The following GALNT11 variants were observed in gnomAD, a reference collection of about 807,000 sequenced individuals.
GALNT11 encodes the protein UDP-GalNAc:polypeptide N-acetylgalactosaminyltransferase 11.
A neutral mutation model predicts 72.7 loss-of-function variants in GALNT11; 47 were observed. The ratio of observed to expected loss-of-function variants is 0.65; its 90% CI spans 0.51 to 0.82. The LOEUF is 0.82. GALNT11 is among the 40% of genes least tolerant of loss of function. The probability of loss-of-function intolerance (pLI) is 0.00; values close to 1 mark genes in which losing one functional copy is unlikely to be tolerated. For missense variants in GALNT11, 677 were observed against 778.4 expected, an observed-to-expected ratio of 0.87 and a Z score of 1.55; for synonymous variants, 270 against 286.6, an observed-to-expected ratio of 0.94 and a Z score of 0.58.
At chr7:152,062,985 G>A (rs896824091) in intron 1 of GALNT11, among the ~76,000 whole-genome samples, 11 of 152,214 alleles carry the variant, frequency 7.2e-5, no homozygotes, top group African/African-American at 2.7e-4. Flanking sequence ...TTCATAAAAT[G>A]AGTTAGGGAG....
At position 152,117,189 on chromosome 7, in the gene GALNT11, G is replaced by A. The variant is rs140942336; in HGVS notation, c.1266G>A (p.Lys422=). The A allele has an allele frequency of 6.2e-7, 1 of 1,612,138 alleles. No homozygotes were observed. The highest frequency in any genetic ancestry group is 1.7e-5 in the Admixed American group (1 of 59,718). Residue 422 remains lysine (K), a synonymous_variant, in exon 9 of 12, where the codon AAG becomes AAA. Transcript: ENST00000430044. ...EQYFSLRPDL[K]TKSYGNISER... ...ATTTTTCCTTAAGACCTGACCTGAA[G>A]ACGAAAAGCTATGGCAATATCAGTG...
chr7:152,034,516 GT>G (rs1353483684), intron 1 of GALNT11, among the ~76,000 whole-genome samples: 4 of 152,184 alleles, frequency 2.6e-5, no homozygotes, highest in African/African-American at 9.7e-5. Context: ...ATTGGTCCCA[GT>G]GGCTTAGGAT....
At chr7:152,047,594 G>T (rs2083195373) in intron 1 of GALNT11, among the ~76,000 whole-genome samples, 1 of 152,120 alleles carries the variant, frequency 6.6e-6, no homozygotes, top group African/African-American at 2.4e-5. Context: ...CTACTTGGGA[G>T]GCTGAGGTAT....
At position 152,080,539 on chromosome 7, in the gene GALNT11, A is replaced by T. The variant is rs17173331; in HGVS notation, c.-38-13651A>T. Among the ~76,000 whole-genome samples the T allele has an allele frequency of 5.3e-3, 801 of 152,344 alleles. 8 individuals are homozygous for T. The highest frequency in any genetic ancestry group is 0.019 in the African/African-American group (772 of 41,570). On this transcript the variant is annotated intron_variant, in intron 1 of 11. Transcript: ENST00000430044. Reference sequence around the variant, plus strand: ...ATAGCATTTTGTAGATAGTGTAGAAAGATGAAAATAAGTAGTAGATTATAT... The same window carrying T: ...ATAGCATTTTGTAGATAGTGTAGAATGATGAAAATAAGTAGTAGATTATAT...
Position 152,028,714 on chromosome 7 carries a change from G to A in GALNT11, c.-39+2830G>A, listed in dbSNP as rs534474182. ...TAAACAGGACACCCCAACTGCTGTT[G>A]GGAATTTGGCCAATGACTGCTGTAG... On this transcript the variant is annotated intron_variant, in intron 1 of 11. Coordinates refer to ENST00000430044, the MANE Select transcript of GALNT11 (RefSeq NM_022087.4). Among the ~76,000 whole-genome samples the A allele has an allele frequency of 7.2e-5, 11 of 152,242 alleles. No individual in the cohort carries two copies. In the South Asian group the frequency reaches 2.3e-3, roughly 32 times the overall value.
chr7:152,058,758 T>A (rs28827047), intron 1 of GALNT11, among the ~76,000 whole-genome samples: 7,375 of 152,234 alleles, frequency 0.048, 609 homozygotes, highest in African/African-American at 0.17. Context: ...AAAATTAGAG[T>A]CAATCCTCTA....
At chr7:152,070,003 CT>C (rs71198756) in intron 1 of GALNT11, among the ~76,000 whole-genome samples, 52 of 141,588 alleles carry the variant, frequency 3.7e-4, no homozygotes, top group East Asian at 1.3e-3. Flanking sequence ...TTTTCTTTTT[CT>C]TTTTTTTTTT....
chr7:152,046,060 G>A (rs2083103805), intron 1 of GALNT11, among the ~76,000 whole-genome samples: 2 of 152,008 alleles, frequency 1.3e-5, no homozygotes, highest in African/African-American at 4.8e-5. Context: ...TGGTCATTCA[G>A]GTGCATATTG....
intron 1 of GALNT11, among the ~76,000 whole-genome samples, chr7:152,039,743 G>A (rs536037546): frequency 5.6e-4 from 86 of 152,238 alleles, no homozygotes; most frequent in African/African-American, 2.0e-3. Flanking sequence ...TATCCAAATC[G>A]GCTGTTGATT....
intron 1 of GALNT11, among the ~76,000 whole-genome samples, chr7:152,067,082 G>C (rs1020112107): frequency 6.6e-6 from 1 of 152,104 alleles, no homozygotes; most frequent in Admixed American, 6.5e-5. Flanking sequence ...GTTTAAATGA[G>C]GTATACCTCC....
At chr7:152,065,486 G>A (rs886338600) in intron 1 of GALNT11, among the ~76,000 whole-genome samples, 1 of 152,202 alleles carries the variant, frequency 6.6e-6, no homozygotes, top group African/African-American at 2.4e-5. Context: ...TTGCTGGTGA[G>A]GAACTGCATT....
chr7:152,027,108 G>A (rs1182569123), intron 1 of GALNT11, among the ~76,000 whole-genome samples: 2 of 152,096 alleles, frequency 1.3e-5, no homozygotes, highest in Non-Finnish European at 2.9e-5. Flanking sequence ...AATAAGCCGG[G>A]CGTGGTGGCA....
chr7:152,110,567 A>T lies in GALNT11; in HGVS notation c.1002A>T (p.Arg334Ser). 4.3e-6 allele frequency: 7 copies of T among 1,613,530 alleles called. No homozygotes were observed. Among genetic ancestry groups the T allele is most frequent in the Non-Finnish European group, 5.1e-6 (6 of 1,179,880 alleles). Residue 334 changes from arginine (R) to serine (S), a missense_variant, in exon 7 of 12, where the codon AGA becomes AGT. Physicochemically the swap from Arg to Ser is moderately radical, Grantham distance 110 (BLOSUM62 -1). Coordinates refer to ENST00000430044, the MANE Select transcript of GALNT11 (RefSeq NM_022087.4). The stretch of plus-strand genomic sequence containing the variant: ...CTGGAGGTTTGTTTGCCATGAACAG[A>T]CAGTATTTCCATGAACTTGGACAGT... ...TMAGGLFAMN[R>S]QYFHELGQYD...
chr7:152,105,227 G>A lies in GALNT11; in HGVS notation c.587-18G>A. 6.2e-7 allele frequency: 1 copy of A among 1,610,592 alleles called. No individual in the cohort carries two copies. The highest frequency in any genetic ancestry group is 2.2e-5 in the East Asian group (1 of 44,838). ...TATGTCTCATACAGTTTGAATAATT[G>A]TGGGACTTTATTTTCAGATGATTTG... On this transcript the variant is annotated intron_variant, in intron 4 of 11. Coordinates refer to ENST00000430044, the MANE Select transcript of GALNT11 (RefSeq NM_022087.4).
intron 4 of GALNT11, 62 bp downstream of exon 4, chr7:152,103,340 A>T: frequency 6.6e-7 from 1 of 1,526,234 alleles, no homozygotes; most frequent in Non-Finnish European, 9.0e-7. Context: ...GCACTGACAA[A>T]CACTAACACA....
At chr7:152,080,040 C>G (rs1186385549) in intron 1 of GALNT11, among the ~76,000 whole-genome samples, 12 of 152,156 alleles carry the variant, frequency 7.9e-5, no homozygotes, top group African/African-American at 2.9e-4. Flanking sequence ...ATAGAATTTT[C>G]TCATTAGTCT....
At chr7:152,070,333 A>G (rs1003696562) in intron 1 of GALNT11, among the ~76,000 whole-genome samples, 1 of 151,782 alleles carries the variant, frequency 6.6e-6, no homozygotes, top group Non-Finnish European at 1.5e-5. Context: ...ATGTGATTCA[A>G]CTTTATCTCC....
rs2088920533 is a variant in GALNT11 at position 152,116,932 on chromosome 7, G to A, written c.1234-225G>A. ...CAGCCCACACACGCAGACCCTCCTGGGAGTTTTCCGTAATTTTTAAGAACA... is the reference window on the plus strand; with the variant it reads ...CAGCCCACACACGCAGACCCTCCTGAGAGTTTTCCGTAATTTTTAAGAACA... On this transcript the variant is annotated intron_variant, in intron 8 of 11. Coordinates refer to ENST00000430044, the MANE Select transcript of GALNT11 (RefSeq NM_022087.4). The A allele has an allele frequency of 7.5e-6, 5 of 662,452 alleles. No homozygotes were observed. In the East Asian group the frequency reaches 1.5e-4, roughly 20 times the overall value. 41.0% of individuals were successfully genotyped at this position (662,452 alleles called of 1,614,324 possible).
In GALNT11 at chr7:152,042,354, C is replaced by T. The variant is rs371433745; in HGVS notation, c.-39+16470C>T. ...GGCTCTTAAGTCAGTTAACATTTTCCGTTTACCTGATTTTTTCTTAATTAT... is the reference window on the plus strand; with the variant it reads ...GGCTCTTAAGTCAGTTAACATTTTCTGTTTACCTGATTTTTTCTTAATTAT... On this transcript the variant is annotated intron_variant, in intron 1 of 11. Transcript: ENST00000430044. Among the ~76,000 whole-genome samples the T allele has an allele frequency of 4.0e-4, 61 of 152,240 alleles. No homozygotes were observed. The East Asian group carries it at 5.0e-3, about 13-fold the overall frequency.
Sources: allele counts gnomAD v4.1 joint callset (sites outside exome capture counted in the v4.1 genomes callset), GRCh38; gene constraint gnomAD v4.1.1; transcripts MANE v1.5; gene names NCBI Gene and HGNC (gene_info 2026-07-23, HGNC 2026-07-21).